LANCL2: variants seen among roughly 807,000 people sequenced by gnomAD.
LANCL2 encodes LanC like glutathione S-transferase 2.
A neutral mutation model predicts 56.9 loss-of-function variants in LANCL2; 33 were observed. That is an observed-to-expected ratio of 0.58 (90% CI 0.44 to 0.78). The LOEUF (loss-of-function observed/expected upper bound fraction) is 0.78. Ranked by LOEUF, LANCL2 falls within the 30% of genes least tolerant of loss-of-function variation. The pLI is 0.00. For missense variants in LANCL2, 562 were observed against 580.2 expected, an observed-to-expected ratio of 0.97 and a Z score of 0.32; for synonymous variants, 233 against 228.2, an observed-to-expected ratio of 1.02 and a Z score of -0.19.
intron 1 of LANCL2, among the ~76,000 whole-genome samples, chr7:55,385,861 C>G (rs962772845): frequency 1.3e-5 from 2 of 152,128 alleles, no homozygotes; most frequent in Non-Finnish European, 2.9e-5. Flanking sequence ...TCTGCAATCT[C>G]GACCATAAGA....
At chr7:55,381,309 A>C (rs1790066352) in intron 1 of LANCL2, among the ~76,000 whole-genome samples, 1 of 152,196 alleles carries the variant, frequency 6.6e-6, no homozygotes, top group Non-Finnish European at 1.5e-5. Flanking sequence ...TGGCAAAATC[A>C]CATTTTCCGG....
rs190301570 is a variant in LANCL2 at position 55,430,540 on chromosome 7, G to T, written c.1259-686G>T. Among the ~76,000 whole-genome samples, 578 of 152,294 alleles carry T rather than the reference G, an allele frequency of 3.8e-3. 1 individual carries two copies. The highest frequency in any genetic ancestry group is 5.4e-3 in the Non-Finnish European group (365 of 68,018). On this transcript the variant is annotated intron_variant, in intron 8 of 8. Coordinates refer to ENST00000254770, the MANE Select transcript of LANCL2 (RefSeq NM_018697.4). ...GATGGAAATATTCCAGGTCTTAATC[G>T]GGTTTTGTTTGCACATGTATATGCA... is the stretch of plus-strand genomic sequence containing the variant.
chr7:55,391,758 G>C (rs1412159836), intron 1 of LANCL2, 35 bp from the exon 2 acceptor site: 1 of 1,113,874 alleles, frequency 9.0e-7, no homozygotes, highest in South Asian at 1.2e-5. Flanking sequence ...TCCCATTCTT[G>C]TGAAGTTAAA....
In LANCL2 at chr7:55,366,006, C is replaced by G; in HGVS notation, c.-20C>G. The G allele has an allele frequency of 7.0e-7, 1 of 1,420,248 alleles. No homozygotes were observed. The highest frequency in any genetic ancestry group is 9.3e-7 in the Non-Finnish European group (1 of 1,080,416). 88.0% of individuals were successfully genotyped at this position (1,420,248 alleles called of 1,614,324 possible). On this transcript the variant is annotated 5_prime_UTR_variant, in exon 1 of 9. Transcript: ENST00000254770. ...GGGACAGGAGGTTTGTCCCCGCCCG[C>G]GCGCCGTACCGCGGCGGAGATGGGC... is the stretch of plus-strand genomic sequence containing the variant.
chr7:55,398,229 C>T (rs962353610), intron 2 of LANCL2, among the ~76,000 whole-genome samples, 194 bp from the exon 3 acceptor site: 4 of 152,062 alleles, frequency 2.6e-5, no homozygotes, highest in African/African-American at 9.7e-5. Context: ...GTTCTTTCCT[C>T]CCTGATTTCT....
At chr7:55,387,479 C>T (rs1790137966) in intron 1 of LANCL2, among the ~76,000 whole-genome samples, 2 of 151,502 alleles carry the variant, frequency 1.3e-5, no homozygotes, top group Admixed American at 6.6e-5. Context: ...CGCAGTGGGA[C>T]ACAGCAAACT....
At chr7:55,386,100 C>T (rs1455966652) in intron 1 of LANCL2, among the ~76,000 whole-genome samples, 1 of 152,080 alleles carries the variant, frequency 6.6e-6, no homozygotes, top group Non-Finnish European at 1.5e-5. Context: ...TTTCAGGGTG[C>T]CCGCATTTCA....
At chr7:55,413,058 A>G (rs1790488213) in intron 6 of LANCL2, among the ~76,000 whole-genome samples, 1 of 152,252 alleles carries the variant, frequency 6.6e-6, no homozygotes, top group Non-Finnish European at 1.5e-5. Context: ...AAATATTCAA[A>G]TCATATATAA....
chr7:55,418,158 A>T (rs903428864), intron 6 of LANCL2, among the ~76,000 whole-genome samples: 2 of 148,832 alleles, frequency 1.3e-5, no homozygotes, highest in African/African-American at 4.9e-5. Context: ...CCAATTATGT[A>T]TTGCCAGTAT....
At chr7:55,391,637 T>G (rs1790192025) in intron 1 of LANCL2, among the ~76,000 whole-genome samples, 156 bp from the exon 2 acceptor site, 1 of 152,158 alleles carries the variant, frequency 6.6e-6, no homozygotes, top group East Asian at 1.9e-4. Flanking sequence ...AGTAACCTTA[T>G]AAAAACCAAG....
intron 2 of LANCL2, chr7:55,397,312 A>G (rs1049144517): frequency 1.5e-4 from 23 of 152,002 alleles, no homozygotes; most frequent in African/African-American, 5.1e-4. Context: ...AATACAAAAA[A>G]TAGCCAGGCA....
At chr7:55,371,613 G>A (rs376228335) in intron 1 of LANCL2, among the ~76,000 whole-genome samples, 2 of 152,148 alleles carry the variant, frequency 1.3e-5, no homozygotes, top group South Asian at 2.1e-4. Context: ...TGCTATGGCC[G>A]GTGTCCAGGA....
At chr7:55,379,262 G>C (rs905992148) in intron 1 of LANCL2, among the ~76,000 whole-genome samples, 5 of 152,238 alleles carry the variant, frequency 3.3e-5, no homozygotes, top group Non-Finnish European at 5.9e-5. Context: ...ATGTGAGTGT[G>C]CATTAGGCCT....
chr7:55,410,286 G>A (rs1161774497), intron 5 of LANCL2, among the ~76,000 whole-genome samples: 1 of 152,052 alleles, frequency 6.6e-6, no homozygotes, highest in Non-Finnish European at 1.5e-5. Flanking sequence ...GTAGCCTTTT[G>A]GAAATAAACT....
At chr7:55,376,769 G>A (rs115739374) in intron 1 of LANCL2, among the ~76,000 whole-genome samples, 1,846 of 152,212 alleles carry the variant, frequency 0.012, 37 homozygotes, top group African/African-American at 0.042. Context: ...TTATTTTTAC[G>A]TTTGTCTCAT....
At chr7:55,372,326 G>A (rs1482842587) in intron 1 of LANCL2, among the ~76,000 whole-genome samples, 8 of 152,160 alleles carry the variant, frequency 5.3e-5, no homozygotes, top group African/African-American at 1.9e-4. Context: ...ATAGTCTTGT[G>A]TTTGACTCCT....
chr7:55,399,539 C>T (rs2128993591), intron 3 of LANCL2, among the ~76,000 whole-genome samples: 1 of 152,262 alleles, frequency 6.6e-6, no homozygotes, highest in East Asian at 1.9e-4. Flanking sequence ...GACGGGGTTT[C>T]ACCATGTTGG....
At position 55,432,467 on chromosome 7, in the gene LANCL2, A is replaced by G. The variant is rs1562872624; in HGVS notation, c.*1147A>G. The G allele has an allele frequency of 6.6e-6, 1 of 152,224 alleles. No homozygotes were observed. Among genetic ancestry groups the G allele is most frequent in the East Asian group, 1.9e-4 (1 of 5,202 alleles). The allele number at this position is 152,224 out of a possible 1,614,324, so 9.4% of individuals were successfully genotyped here. A position where few individuals can be genotyped will look rare whatever the true frequency, so the allele number is the denominator to read the frequency against. On this transcript the variant is annotated 3_prime_UTR_variant, in exon 9 of 9. Transcript: ENST00000254770. ...TGTGAGCAGTAATTTGGGTTAGCCT[A>G]CCTTCATTAATTCTATCACATAGAT... is the stretch of plus-strand genomic sequence containing the variant.
rs1790749456 is a variant in LANCL2, at chr7:55,433,061, A to G, written c.*1741A>G. On this transcript the variant is annotated 3_prime_UTR_variant, in exon 9 of 9. Coordinates refer to ENST00000254770, the MANE Select transcript of LANCL2 (RefSeq NM_018697.4). ...CACCCACCACATCAAAACATAACAC[A>G]TCACAGCACTCAGTAGAGGTCCTGC... 1 of 152,386 alleles carries G rather than the reference A, an allele frequency of 6.6e-6. No homozygotes were observed. 9.4% of individuals were successfully genotyped at this position (152,386 alleles called of 1,614,324 possible). A position where few individuals can be genotyped will look rare whatever the true frequency, so the allele number is the denominator to read the frequency against.
Sources: gnomAD v4.1 joint callset for allele counts (sites outside exome capture counted in the v4.1 genomes callset) on GRCh38, gnomAD v4.1.1 for gene constraint, MANE v1.5 for transcripts, NCBI Gene and HGNC (gene_info 2026-07-23, HGNC 2026-07-21) for gene names.